Variants in CDK6 observed in about 807,000 individuals in gnomAD.
CDK6 encodes cyclin dependent kinase 6.
In CDK6, 6 loss-of-function variants were observed where a neutral mutation model predicts 37.1. That is an observed-to-expected ratio of 0.16 (90% CI 0.09 to 0.32). CDK6 has a LOEUF of 0.32. Ranked by LOEUF, CDK6 falls within the 10% of genes least tolerant of loss-of-function variation. The probability of loss-of-function intolerance (pLI) is 1.00; values close to 1 mark genes in which losing one functional copy is unlikely to be tolerated. For missense variants in CDK6, 224 were observed against 418.9 expected, an observed-to-expected ratio of 0.53 and a Z score of 4.06; for synonymous variants, 160 against 161.3, an observed-to-expected ratio of 0.99 and a Z score of 0.06.
At chr7:92,735,826 T>G (rs546055641) in intron 3 of CDK6, among the ~76,000 whole-genome samples, 3 of 152,324 alleles carry the variant, frequency 2.0e-5, no homozygotes, top group African/African-American at 4.8e-5. Flanking sequence ...TCCTGAGTCT[T>G]TCTTTAGCAA....
At chr7:92,654,521 G>T (rs1796646251) in intron 5 of CDK6, among the ~76,000 whole-genome samples, 1 of 152,016 alleles carries the variant, frequency 6.6e-6, no homozygotes, top group South Asian at 2.1e-4. Context: ...TATCTACCAT[G>T]TTTCTTCTAA....
Position 92,793,337 on chromosome 7 carries a change from C to A in CDK6, c.234-18506G>T, listed in dbSNP as rs1041275776. On this transcript the variant is annotated intron_variant, in intron 2 of 7. Coordinates refer to ENST00000424848, the MANE Select transcript of CDK6 (RefSeq NM_001145306.2). ...AAACAATGTTCGAAGACTCGCACTTCTCAATTTCAAAACTTACCATGAGCT... is the reference window on the plus strand; with the variant it reads ...AAACAATGTTCGAAGACTCGCACTTATCAATTTCAAAACTTACCATGAGCT... 2.0e-5 allele frequency among the ~76,000 whole-genome samples: 3 copies of A among 152,140 alleles called. 1 individual carries two copies. Among genetic ancestry groups the A allele is most frequent in the Admixed American group, 2.0e-4 (3 of 15,248 alleles).
In CDK6 at chr7:92,833,644, A is replaced by G; in HGVS notation, c.-321T>C. On this transcript the variant is annotated 5_prime_UTR_variant, in exon 2 of 8. Transcript: ENST00000424848. This position sits in a 1 kb window ranked among gnomAD's most constrained non-coding sequence, Gnocchi z 6.1. ...AAGCGAAGTCCTCAACACAGACACG[A>G]TTACATAGCCTCTGCCCAAGCGCGT... 6.0e-6 allele frequency: 3 copies of G among 503,280 alleles called. No homozygotes were observed. The highest frequency in any genetic ancestry group is 1.0e-5 in the Non-Finnish European group (3 of 289,992). 31.2% of individuals were successfully genotyped at this position (503,280 alleles called of 1,614,324 possible).
At chr7:92,666,816 C>A (rs549311583) in intron 5 of CDK6, among the ~76,000 whole-genome samples, 3 of 152,290 alleles carry the variant, frequency 2.0e-5, no homozygotes, top group African/African-American at 7.2e-5. Context: ...TTTGCTAATA[C>A]AAGACTCTGT....
intron 2 of CDK6, among the ~76,000 whole-genome samples, chr7:92,802,338 A>G (rs1264229532): frequency 2.0e-5 from 3 of 152,302 alleles, no homozygotes; most frequent in East Asian, 3.9e-4. Context: ...GAAAAAATGG[A>G]AGGAGGTAGA....
At chr7:92,695,972 G>A (rs1797709290) in intron 4 of CDK6, among the ~76,000 whole-genome samples, 2 of 152,166 alleles carry the variant, frequency 1.3e-5, no homozygotes, top group Admixed American at 6.5e-5. Context: ...CAGAAACACT[G>A]GATTAAGAAA....
chr7:92,767,308 C>T (rs1291764654), intron 3 of CDK6, among the ~76,000 whole-genome samples: 4 of 152,126 alleles, frequency 2.6e-5, no homozygotes, highest in Non-Finnish European at 4.4e-5. Context: ...AAAATGTTCT[C>T]CTTTAAGAAG....
chr7:92,783,094 A>G (rs1045985190), intron 2 of CDK6, among the ~76,000 whole-genome samples: 4 of 152,182 alleles, frequency 2.6e-5, no homozygotes, highest in African/African-American at 9.7e-5. Context: ...CTCAGACCCT[A>G]CTTGAGGTTC....
chr7:92,704,269 A>G (rs1450486341), intron 4 of CDK6, among the ~76,000 whole-genome samples: 1 of 152,204 alleles, frequency 6.6e-6, no homozygotes, highest in African/African-American at 2.4e-5. Flanking sequence ...CTACACTCTC[A>G]GCTCAGTGAC....
chr7:92,610,594 G>A lies in CDK6; in HGVS notation c.*4546C>T, dbSNP rs1041865232. ...TATAGGGATGTATTAAAATTGGGTT[G>A]TGAATTGCATTGATATAGAAAGGGA... is the stretch of plus-strand genomic sequence containing the variant. On this transcript the variant is annotated 3_prime_UTR_variant, in exon 8 of 8. Coordinates refer to ENST00000424848, the MANE Select transcript of CDK6 (RefSeq NM_001145306.2). 1 of 227,732 alleles carries A rather than the reference G, an allele frequency of 4.4e-6. No homozygotes were observed. The highest frequency in any genetic ancestry group is 2.2e-5 in the African/African-American group (1 of 45,086). The allele number at this position is 227,732 out of a possible 1,614,324, so 14.1% of individuals were successfully genotyped here. A position where few individuals can be genotyped will look rare whatever the true frequency, so the allele number is the denominator to read the frequency against.
intron 3 of CDK6, among the ~76,000 whole-genome samples, chr7:92,732,935 T>C (rs1798686323): frequency 6.6e-6 from 1 of 152,190 alleles, no homozygotes; most frequent in South Asian, 2.1e-4. Flanking sequence ...ATGACATCAA[T>C]GAATAGCTGC....
At chr7:92,716,922 C>G (rs1229973171) in intron 4 of CDK6, among the ~76,000 whole-genome samples, 1 of 152,096 alleles carries the variant, frequency 6.6e-6, no homozygotes, top group African/African-American at 2.4e-5. Context: ...CTTCTGGATC[C>G]CTGAGAAGCC....
At chr7:92,641,068 G>GA (rs1796294020) in intron 5 of CDK6, among the ~76,000 whole-genome samples, 1 of 152,120 alleles carries the variant, frequency 6.6e-6, no homozygotes, top group Non-Finnish European at 1.5e-5. Context: ...TAATGCATAG[G>GA]AAAAACAGTT....
intron 4 of CDK6, among the ~76,000 whole-genome samples, chr7:92,685,140 T>C (rs1451129891): frequency 6.6e-6 from 1 of 152,232 alleles, no homozygotes; most frequent in East Asian, 1.9e-4. Context: ...AAAGGGAATA[T>C]AGTTCTGTTG....
chr7:92,679,308 C>T (rs898256517), intron 4 of CDK6, among the ~76,000 whole-genome samples: 1 of 152,146 alleles, frequency 6.6e-6, no homozygotes, highest in African/African-American at 2.4e-5. Context: ...CATTTTAAGA[C>T]TCCCTAAATG....
chr7:92,743,081 A>T (rs1409159902), intron 3 of CDK6, among the ~76,000 whole-genome samples: 5 of 152,042 alleles, frequency 3.3e-5, no homozygotes, highest in Non-Finnish European at 5.9e-5. Context: ...GATCCCATTC[A>T]AATCCCTACA....
chr7:92,787,275 T>A (rs1800168650), intron 2 of CDK6, among the ~76,000 whole-genome samples: 2 of 151,816 alleles, frequency 1.3e-5, no homozygotes, highest in South Asian at 4.1e-4. Flanking sequence ...TTTGCTCATC[T>A]AAACTTTCTA....
chr7:92,716,810 T>G (rs913749905), intron 4 of CDK6, among the ~76,000 whole-genome samples: 2 of 152,122 alleles, frequency 1.3e-5, no homozygotes, highest in African/African-American at 4.8e-5. Context: ...TTAGGGGAGA[T>G]GGAATTATCT....
chr7:92,706,074 T>A (rs750412786), intron 4 of CDK6, among the ~76,000 whole-genome samples: 2 of 152,246 alleles, frequency 1.3e-5, no homozygotes, highest in African/African-American at 4.8e-5. Flanking sequence ...GAAGTGTATG[T>A]TATCTGTGAC....
Sources: gnomAD v4.1 joint callset for allele counts (sites outside exome capture counted in the v4.1 genomes callset) on GRCh38, gnomAD v4.1.1 for gene constraint, Gnocchi (gnomAD v3.1) non-coding constraint, MANE v1.5 for transcripts, NCBI Gene and HGNC (gene_info 2026-07-23, HGNC 2026-07-21) for gene names.